Variants in STK32B observed in about 807,000 individuals in gnomAD.
STK32B encodes the protein serine/threonine-protein kinase 32B.
A neutral mutation model predicts 52.6 loss-of-function variants in STK32B; 43 were observed. The observed-to-expected ratio is 0.82, with a 90% CI of 0.64 to 1.05. The LOEUF (loss-of-function observed/expected upper bound fraction) is 1.05, where lower values mean the gene tolerates loss of function less well. Ranked by LOEUF, STK32B falls within the 50% of genes least tolerant of loss-of-function variation. The pLI is 0.00. For synonymous variants in STK32B, 238 were observed against 204.3 expected (o/e 1.17, Z -1.41); for missense variants, 621 against 534.6 (o/e 1.16, Z -1.59).
At chr4:5,035,931 G>A in the STK32B span, among the ~76,000 whole-genome samples, 24 of 151,764 alleles carry the variant, frequency 1.6e-4, no homozygotes, top group East Asian at 3.1e-3. Context: ...ACAGGCGCCC[G>A]CCACCACACC....
intron 3 of STK32B, among the ~76,000 whole-genome samples, chr4:5,312,708 C>T (rs1043015420): frequency 2.6e-5 from 4 of 151,686 alleles, no homozygotes; most frequent in Admixed American, 6.6e-5. Context: ...TGGGTTGGTT[C>T]CAAGTCTTTG....
At chr4:5,102,181 A>G (rs1331984566) in intron 1 of STK32B, among the ~76,000 whole-genome samples, 1 of 152,226 alleles carries the variant, frequency 6.6e-6, no homozygotes, top group Non-Finnish European at 1.5e-5. Flanking sequence ...ACCGTGCCTC[A>G]GTTTCCTCAT....
At chr4:5,364,909 C>T (rs1173353388) in intron 4 of STK32B, among the ~76,000 whole-genome samples, 1 of 152,092 alleles carries the variant, frequency 6.6e-6, no homozygotes, top group Non-Finnish European at 1.5e-5. Context: ...AGTTTTTGCT[C>T]TTGTTGCCCA....
At chr4:5,492,430 C>T (rs1460295564) in intron 11 of STK32B, among the ~76,000 whole-genome samples, 1 of 152,034 alleles carries the variant, frequency 6.6e-6, no homozygotes, top group Non-Finnish European at 1.5e-5. Flanking sequence ...GATTTTGTAT[C>T]CTGAGACTTT....
chr4:5,181,329 G>GACACACATACAC lies in STK32B; in HGVS notation c.260+12886_260+12887insTACACACACACA, dbSNP rs777338742. On this transcript the variant is annotated intron_variant, in intron 3 of 11. Transcript: ENST00000282908. ...AAAAGAAGAGAAAGATGGAGAGTGA[G>GACACACATACAC]ACACACACACACACACACACACACA... 3.5e-3 allele frequency among the ~76,000 whole-genome samples: 485 copies of GACACACATACAC among 138,112 alleles called. 4 individuals carry two copies. The highest frequency in any genetic ancestry group is 1.0e-2 in the African/African-American group (376 of 37,720). 90.6% of individuals were successfully genotyped at this position (138,112 alleles called of 152,430 possible). A position where few individuals can be genotyped will look rare whatever the true frequency, so the allele number is the denominator to read the frequency against.
At chr4:5,472,128 C>T (rs1255227829) in intron 11 of STK32B, among the ~76,000 whole-genome samples, 1 of 152,186 alleles carries the variant, frequency 6.6e-6, no homozygotes, top group East Asian at 1.9e-4. Flanking sequence ...CTGTGTCAGC[C>T]CTGCAGGACA....
chr4:5,384,097 G>C (rs931287700), intron 4 of STK32B, among the ~76,000 whole-genome samples: 2 of 152,352 alleles, frequency 1.3e-5, no homozygotes, highest in Admixed American at 6.5e-5. Flanking sequence ...GGGGGACAAT[G>C]CTTGGCTCAG....
At chr4:5,303,025 GGT>G (rs1477855052) in intron 3 of STK32B, among the ~76,000 whole-genome samples, 1 of 151,252 alleles carries the variant, frequency 6.6e-6, no homozygotes, top group Non-Finnish European at 1.5e-5. Flanking sequence ...TGTATATGTG[GGT>G]GTGTGTGTAT....
At chr4:5,383,954 A>C (rs1040691736) in intron 4 of STK32B, among the ~76,000 whole-genome samples, 1 of 152,162 alleles carries the variant, frequency 6.6e-6, no homozygotes, top group African/African-American at 2.4e-5. Context: ...GGGCATGGAG[A>C]GAAATGAAGG....
intron 3 of STK32B, among the ~76,000 whole-genome samples, chr4:5,201,934 C>G (rs777577835): frequency 6.6e-6 from 1 of 152,152 alleles, no homozygotes; most frequent in South Asian, 2.1e-4. Flanking sequence ...CTGGCCCTGG[C>G]CCCTCCCAAA....
At chr4:5,100,676 CCTTTCTTA>C (rs1377148488) in intron 1 of STK32B, among the ~76,000 whole-genome samples, 1 of 38,968 alleles carries the variant, frequency 2.6e-5, no homozygotes, top group African/African-American at 1.0e-4. Flanking sequence ...TTCTTTCTTT[CCTTTCTTA>C]CTTTCTTTCT....
chr4:5,379,685 GACAC>G (rs1159971780), intron 4 of STK32B, among the ~76,000 whole-genome samples: 1 of 152,104 alleles, frequency 6.6e-6, no homozygotes, highest in Non-Finnish European at 1.5e-5. Flanking sequence ...TTAGAACACA[GACAC>G]ACACAAAGGG....
rs112099943 is a variant in STK32B, at chr4:5,144,784, T to TCATCCATCCATC, written c.108+4863_108+4874dup. On this transcript the variant is annotated intron_variant, in intron 2 of 11. Transcript: ENST00000282908. ...TTCATTTGTTAATTCACTCATTCAC[T>TCATCCATCCATC]CATCCATCCATCCATCCATCCATCC... Among the ~76,000 whole-genome samples, 8 of 95,698 alleles carry TCATCCATCCATC rather than the reference T, an allele frequency of 8.4e-5. No homozygotes were observed. The South Asian group carries it at 1.8e-3, about 21-fold the overall frequency. The allele number at this position is 95,698 out of a possible 152,430, so 62.8% of individuals were successfully genotyped here.
intron 7 of STK32B, among the ~76,000 whole-genome samples, chr4:5,448,117 A>G (rs1715637182): frequency 6.6e-6 from 1 of 152,200 alleles, no homozygotes; most frequent in Non-Finnish European, 1.5e-5. Flanking sequence ...GCAAATAAGT[A>G]TTATTTGTCA....
intron 2 of STK32B, among the ~76,000 whole-genome samples, chr4:5,161,833 C>G (rs1446370255): frequency 1.3e-5 from 2 of 152,014 alleles, no homozygotes; most frequent in Non-Finnish European, 2.9e-5. Context: ...TTTTTCTTCC[C>G]CCTACCCCCA....
chr4:5,080,169 A>G (rs1712330582), intron 1 of STK32B, among the ~76,000 whole-genome samples: 1 of 152,094 alleles, frequency 6.6e-6, no homozygotes, highest in African/African-American at 2.4e-5. Context: ...GTGGCTCCCT[A>G]TTACTATCAG....
chr4:5,169,723 G>C (rs959562134), intron 3 of STK32B, among the ~76,000 whole-genome samples: 2 of 151,972 alleles, frequency 1.3e-5, no homozygotes, highest in African/African-American at 4.8e-5. Flanking sequence ...ACCCCGTCAT[G>C]TTTTGATTGC....
chr4:5,249,729 C>A (rs1479816074), intron 3 of STK32B, among the ~76,000 whole-genome samples: 1 of 152,006 alleles, frequency 6.6e-6, no homozygotes, highest in African/African-American at 2.4e-5. Flanking sequence ...TCTTAAAAAC[C>A]CAGATTCTCA....
At chr4:5,218,570 G>A (rs74703582) in intron 3 of STK32B, among the ~76,000 whole-genome samples, 6,762 of 152,188 alleles carry the variant, frequency 0.044, 216 homozygotes, top group Non-Finnish European at 0.071. Flanking sequence ...GTCAAACTGC[G>A]TGCTTGGCTG....
Sources: gnomAD v4.1 joint callset for allele counts (sites outside exome capture counted in the v4.1 genomes callset) on GRCh38, gnomAD v4.1.1 for gene constraint, MANE v1.5 for transcripts, NCBI Gene and HGNC (gene_info 2026-07-23, HGNC 2026-07-21) for gene names.